Variants in COL23A1 observed in about 807,000 individuals in gnomAD.
COL23A1 encodes the protein collagen alpha-1(XXIII) chain.
COL23A1 carries 97 observed loss-of-function variants against 99.3 expected under a neutral mutation model. The observed-to-expected ratio is 0.98, with a 90% confidence interval of 0.83 to 1.16. The LOEUF is 1.16. Among genes scored for constraint, COL23A1 ranks in the 50% most tolerant of loss-of-function variants. COL23A1 has a pLI of 0.00. For synonymous variants in COL23A1, 320 were observed against 308.2 expected (o/e 1.04, Z -0.40); for missense variants, 762 against 757.4 (o/e 1.01, Z -0.07).
At chr5:178,372,428 A>T (rs1437732150) in intron 2 of COL23A1, among the ~76,000 whole-genome samples, 1 of 152,234 alleles carries the variant, frequency 6.6e-6, no homozygotes, top group Non-Finnish European at 1.5e-5. Flanking sequence ...AGAGGAAATG[A>T]AGAAGGAAGG....
In COL23A1 at chr5:178,239,137, G is replaced by A; in HGVS notation, c.1620+4C>T. On this transcript the variant is annotated splice_donor_region_variant and intron_variant, in intron 28 of 28. Transcript: ENST00000390654. ...CCTGCCCTGGAGACTTCCCTGCACG[G>A]TACCTTATGCCAGCAGCCAGGCACA... The A allele has an allele frequency of 1.9e-6, 3 of 1,613,998 alleles. No homozygotes were observed. Among genetic ancestry groups the A allele is most frequent in the Non-Finnish European group, 2.5e-6 (3 of 1,179,922 alleles).
intron 1 of COL23A1, among the ~76,000 whole-genome samples, chr5:178,578,746 T>C (rs1581674450): frequency 6.7e-6 from 1 of 149,522 alleles, no homozygotes; most frequent in Admixed American, 6.7e-5. Context: ...AGCAGATGTG[T>C]GTGAAGCCTC....
intron 2 of COL23A1, among the ~76,000 whole-genome samples, chr5:178,474,058 G>A (rs998471729): frequency 4.6e-5 from 7 of 152,172 alleles, no homozygotes; most frequent in South Asian, 2.1e-4. Flanking sequence ...GAGGGTGTTC[G>A]CAGCAAGGAA....
chr5:178,506,479 C>T (rs1308832749), intron 2 of COL23A1, among the ~76,000 whole-genome samples: 3 of 152,182 alleles, frequency 2.0e-5, no homozygotes, highest in Non-Finnish European at 4.4e-5. Flanking sequence ...GGAACATCCC[C>T]CTGGGCAGGC....
At chr5:178,362,589 C>T (rs559197460) in intron 2 of COL23A1, among the ~76,000 whole-genome samples, 1 of 152,306 alleles carries the variant, frequency 6.6e-6, no homozygotes, top group East Asian at 1.9e-4. Context: ...TGACTCTGGC[C>T]TGGCTCACGG....
At chr5:178,356,972 G>A (rs1251867727) in intron 2 of COL23A1, among the ~76,000 whole-genome samples, 4 of 152,208 alleles carry the variant, frequency 2.6e-5, no homozygotes, top group African/African-American at 4.8e-5. Flanking sequence ...AAAGCCTGAC[G>A]CTCGTGGATG....
intron 1 of COL23A1, among the ~76,000 whole-genome samples, chr5:178,577,065 C>T (rs967910807): frequency 1.8e-4 from 28 of 152,124 alleles, no homozygotes; most frequent in African/African-American, 5.8e-4. Flanking sequence ...CGCCGGGGTC[C>T]TCCCTGTCGC....
rs114599407 is a variant in COL23A1 at position 178,439,535 on chromosome 5, G to A, written c.361+121147C>T. Reference sequence around the variant, plus strand: ...GCTGGAGGAATCTTCTGAAGAGCAAGTCTCATCACATCTCTCCTCTGCTCA... The same window carrying A: ...GCTGGAGGAATCTTCTGAAGAGCAAATCTCATCACATCTCTCCTCTGCTCA... On this transcript the variant is annotated intron_variant, in intron 2 of 28. Transcript: ENST00000390654. The surrounding 1 kb of genome is among the most constrained non-coding windows in gnomAD (Gnocchi z 4.2). 2,084 of 152,346 alleles carry A rather than the reference G, an allele frequency of 0.014. 21 individuals carry two copies. Among genetic ancestry groups the A allele is most frequent in the Non-Finnish European group, 0.021 (1,425 of 68,070 alleles). 9.4% of individuals were successfully genotyped at this position (152,346 alleles called of 1,614,324 possible). A position where few individuals can be genotyped will look rare whatever the true frequency, so the allele number is the denominator to read the frequency against.
Position 178,306,859 on chromosome 5 carries a change from A to G in COL23A1, c.406+16T>C. ...TCCAAGCCTTGGCTTAGGAGCTGAG[A>G]AAACCTGGGACTCACCAGGGTCGCC... is the stretch of plus-strand genomic sequence containing the variant. On this transcript the variant is annotated intron_variant, in intron 3 of 28. Transcript: ENST00000390654. The surrounding 1 kb of genome is among the most constrained non-coding windows in gnomAD (Gnocchi z 4.1). The G allele has an allele frequency of 6.7e-7, 1 of 1,492,268 alleles. No homozygotes were observed. Among genetic ancestry groups the G allele is most frequent in the Admixed American group, 2.3e-5 (1 of 43,902 alleles). The allele number at this position is 1,492,268 out of a possible 1,614,324, so 92.4% of individuals were successfully genotyped here. A position where few individuals can be genotyped will look rare whatever the true frequency, so the allele number is the denominator to read the frequency against.
chr5:178,401,977 G>A (rs1287214995), intron 2 of COL23A1, among the ~76,000 whole-genome samples: 15 of 151,990 alleles, frequency 9.9e-5, no homozygotes, highest in Non-Finnish European at 2.1e-4. Context: ...CACCACGCTC[G>A]GCTAATTTTT....
At chr5:178,438,380 A>G (rs891868958) in intron 2 of COL23A1, among the ~76,000 whole-genome samples, 2 of 152,246 alleles carry the variant, frequency 1.3e-5, no homozygotes, top group African/African-American at 4.8e-5. Flanking sequence ...TTACTATCTG[A>G]AAATATCTGG....
At chr5:178,259,625 G>A (rs574731855) in intron 12 of COL23A1, 96 bp downstream of exon 12, 19 of 657,832 alleles carry the variant, frequency 2.9e-5, no homozygotes, top group East Asian at 1.6e-4. Flanking sequence ...AGCCCATCCC[G>A]TCCCCATCCC....
chr5:178,466,970 G>A (rs1756456397), intron 2 of COL23A1, among the ~76,000 whole-genome samples: 1 of 152,230 alleles, frequency 6.6e-6, no homozygotes, highest in Non-Finnish European at 1.5e-5. Context: ...GTAAAATGGG[G>A]ATAATAGTCC....
intron 2 of COL23A1, among the ~76,000 whole-genome samples, chr5:178,497,239 G>A (rs151319691): frequency 5.3e-5 from 8 of 152,250 alleles, no homozygotes; most frequent in Non-Finnish European, 1.0e-4. Flanking sequence ...GGAGCCACGC[G>A]GTCCTAATGG....
chr5:178,586,088 C>T (rs1562116333), intron 1 of COL23A1, among the ~76,000 whole-genome samples: 1 of 152,162 alleles, frequency 6.6e-6, no homozygotes, highest in Non-Finnish European at 1.5e-5. Flanking sequence ...ACCTTGTGAC[C>T]ATGAGGAAAG....
chr5:178,247,080 G>A (rs952975197), intron 22 of COL23A1, among the ~76,000 whole-genome samples: 4 of 150,452 alleles, frequency 2.7e-5, no homozygotes, highest in African/African-American at 4.9e-5. Flanking sequence ...AGGACTTAAC[G>A]TAAGAGCAGG....
chr5:178,560,858 G>GCCCCAGCACTGTAGA, intron 1 of COL23A1, 110 bp from the exon 2 acceptor site: 1 of 1,006,962 alleles, frequency 9.9e-7, no homozygotes, highest in Non-Finnish European at 1.5e-6. Context: ...ACCATCTACA[G>GCCCCAGCACTGTAGA]TGCTGGGGCT....
intron 2 of COL23A1, among the ~76,000 whole-genome samples, chr5:178,496,972 C>CT (rs1288157710): frequency 6.6e-6 from 1 of 152,190 alleles, no homozygotes; most frequent in Non-Finnish European, 1.5e-5. Context: ...TTGGGCCTCT[C>CT]TGAGAGGATC....
At chr5:178,359,214 T>C (rs1164265479) in intron 2 of COL23A1, among the ~76,000 whole-genome samples, 1 of 152,182 alleles carries the variant, frequency 6.6e-6, no homozygotes, top group Non-Finnish European at 1.5e-5. Context: ...TCTGGGTTGC[T>C]GCCAAGACGA....
Sources: gnomAD v4.1 joint callset for allele counts (sites outside exome capture counted in the v4.1 genomes callset) on GRCh38, gnomAD v4.1.1 for gene constraint, Gnocchi (gnomAD v3.1) non-coding constraint, MANE v1.5 for transcripts, NCBI Gene and HGNC (gene_info 2026-07-23, HGNC 2026-07-21) for gene names.